The following SLC24A2 variants were observed in gnomAD, a reference collection of about 807,000 sequenced individuals.
The protein encoded by SLC24A2 is sodium/potassium/calcium exchanger 2.
Under a neutral mutation model 62.0 loss-of-function variants are expected in SLC24A2, and 36 were observed. That is an observed-to-expected ratio of 0.58 (90% CI 0.44 to 0.77). SLC24A2 has a LOEUF of 0.77. SLC24A2 is among the 30% of genes least tolerant of loss of function. The pLI, the probability that SLC24A2 is intolerant of heterozygous loss-of-function variation, is 0.00. For synonymous variants in SLC24A2, 358 were observed against 294.0 expected (o/e 1.22, Z -2.23); for missense variants, 846 against 817.9 (o/e 1.03, Z -0.42).
At chr9:19,901,256 G>A in the SLC24A2 span, among the ~76,000 whole-genome samples, 10 of 152,188 alleles carry the variant, frequency 6.6e-5, no homozygotes, top group Admixed American at 3.9e-4. Flanking sequence ...ATGGCACAAA[G>A]GGAGTTTAAG....
chr9:19,832,997 T>A, the SLC24A2 span, among the ~76,000 whole-genome samples: 1 of 152,062 alleles, frequency 6.6e-6, no homozygotes, highest in Non-Finnish European at 1.5e-5. Context: ...AAAATGCTCA[T>A]CATCACTGGC....
At chr9:20,085,670 T>C in the SLC24A2 span, among the ~76,000 whole-genome samples, 1 of 152,238 alleles carries the variant, frequency 6.6e-6, no homozygotes, top group African/African-American at 2.4e-5. Flanking sequence ...TTTATTGTAT[T>C]AATATATGTT....
rs1340430242 is a variant in SLC24A2, at chr9:19,524,793, T to C, written c.1569+3256A>G. On this transcript the variant is annotated intron_variant, in intron 9 of 10. Transcript: ENST00000341998. The stretch of plus-strand genomic sequence containing the variant: ...GCCATTGAATTTGTGTTCCTTTTCT[T>C]TGAAAGAATGGAAAGAAAACAAGAC... Among the ~76,000 whole-genome samples, 5 of 151,998 alleles carry C rather than the reference T, an allele frequency of 3.3e-5. No individual in the cohort carries two copies. In the East Asian group the frequency reaches 7.7e-4, roughly 23 times the overall value.
chr9:20,198,233 A>T, the SLC24A2 span, among the ~76,000 whole-genome samples: 1 of 152,160 alleles, frequency 6.6e-6, no homozygotes, highest in African/African-American at 2.4e-5. Context: ...AAAGCATGTC[A>T]CTTTTCTTTT....
chr9:20,277,254 G>T, the SLC24A2 span, among the ~76,000 whole-genome samples: 8 of 152,146 alleles, frequency 5.3e-5, no homozygotes, highest in Non-Finnish European at 1.2e-4. Flanking sequence ...ATTAAATAAA[G>T]AGCTTCTGCA....
chr9:20,136,967 G>A, the SLC24A2 span, among the ~76,000 whole-genome samples: 1 of 152,152 alleles, frequency 6.6e-6, no homozygotes, highest in Non-Finnish European at 1.5e-5. Context: ...CAAAAAGGGT[G>A]TGTTTACGCT....
At chr9:19,808,603 A>G in the SLC24A2 span, among the ~76,000 whole-genome samples, 2 of 152,212 alleles carry the variant, frequency 1.3e-5, no homozygotes, top group African/African-American at 4.8e-5. This position sits in a 1 kb window ranked among gnomAD's most constrained non-coding sequence, Gnocchi z 4.1. Flanking sequence ...CAGGGCAGCT[A>G]CAACAGGTAA....
At chr9:19,675,134 T>C (rs925407108) in intron 2 of SLC24A2, among the ~76,000 whole-genome samples, 1 of 152,142 alleles carries the variant, frequency 6.6e-6, no homozygotes, top group Non-Finnish European at 1.5e-5. Context: ...CTCTTCTGGA[T>C]CTAGCCACCC....
the SLC24A2 span, among the ~76,000 whole-genome samples, chr9:20,122,036 A>T: frequency 6.6e-6 from 1 of 152,194 alleles, no homozygotes; most frequent in African/African-American, 2.4e-5. Context: ...TGTTCATTGG[A>T]CTGAGGGCAT....
chr9:20,245,628 G>C, the SLC24A2 span, among the ~76,000 whole-genome samples: 1 of 152,194 alleles, frequency 6.6e-6, no homozygotes, highest in South Asian at 2.1e-4. Flanking sequence ...TTGGTCTTCA[G>C]ATGTTGTGTT....
chr9:20,186,706 G>A, the SLC24A2 span, among the ~76,000 whole-genome samples: 1 of 151,920 alleles, frequency 6.6e-6, no homozygotes, highest in Non-Finnish European at 1.5e-5. Flanking sequence ...AAAAAAAGAG[G>A]AAAAATAATG....
At chr9:19,739,000 C>T (rs183352565) in intron 2 of SLC24A2, among the ~76,000 whole-genome samples, 2 of 152,098 alleles carry the variant, frequency 1.3e-5, no homozygotes, top group Admixed American at 6.5e-5. Flanking sequence ...ACCGGTAGTC[C>T]CAGCTACTCA....
chr9:19,523,651 T>C (rs1251923199), intron 9 of SLC24A2, among the ~76,000 whole-genome samples: 1 of 151,972 alleles, frequency 6.6e-6, no homozygotes, highest in African/African-American at 2.4e-5. Flanking sequence ...TTAGTAGAGA[T>C]GGGGTTTCAC....
the SLC24A2 span, among the ~76,000 whole-genome samples, chr9:19,895,039 G>C: frequency 6.6e-6 from 1 of 152,166 alleles, no homozygotes. Context: ...TTGCAAGTTA[G>C]TACTGGTAAA....
intron 5 of SLC24A2, among the ~76,000 whole-genome samples, chr9:19,593,799 A>G (rs1254432939): frequency 6.6e-6 from 1 of 152,088 alleles, no homozygotes; most frequent in African/African-American, 2.4e-5. Flanking sequence ...CTGCATCACC[A>G]CTTATCACCT....
intron 2 of SLC24A2, among the ~76,000 whole-genome samples, chr9:19,726,304 TGCA>T (rs1375647589): frequency 2.6e-5 from 4 of 152,214 alleles, no homozygotes; most frequent in African/African-American, 9.6e-5. Flanking sequence ...CAAGAGTATA[TGCA>T]ACCAAAAGGT....
At chr9:19,688,602 A>C (rs1167164251) in intron 2 of SLC24A2, among the ~76,000 whole-genome samples, 1 of 152,136 alleles carries the variant, frequency 6.6e-6, no homozygotes, top group Admixed American at 6.6e-5. Flanking sequence ...TAGAAAGAAA[A>C]TTTCCTTAGA....
chr9:20,094,452 G>T, the SLC24A2 span, among the ~76,000 whole-genome samples: 1 of 152,284 alleles, frequency 6.6e-6, no homozygotes, highest in South Asian at 2.1e-4. Context: ...GCTCCCATGT[G>T]AAAAACAGAA....
chr9:19,722,373 T>C (rs1821051808), intron 2 of SLC24A2, among the ~76,000 whole-genome samples: 1 of 152,160 alleles, frequency 6.6e-6, no homozygotes, highest in Admixed American at 6.6e-5. Context: ...ACATATATTT[T>C]GGTATCACTT....
Sources: allele counts gnomAD v4.1 joint callset (sites outside exome capture counted in the v4.1 genomes callset), GRCh38; gene constraint gnomAD v4.1.1; non-coding constraint Gnocchi (gnomAD v3.1); transcripts MANE v1.5; gene names NCBI Gene and HGNC (gene_info 2026-07-23, HGNC 2026-07-21).